Variants in NELL2 observed in about 807,000 individuals in gnomAD.
NELL2 encodes the protein protein kinase C-binding protein NELL2.
Under a neutral mutation model 109.6 loss-of-function variants are expected in NELL2, and 41 were observed. The observed-to-expected ratio is 0.37, with a 90% CI of 0.29 to 0.49. The LOEUF is 0.49. Ranked by LOEUF, NELL2 falls within the 20% of genes least tolerant of loss-of-function variation. The pLI, the probability that NELL2 is intolerant of heterozygous loss-of-function variation, is 0.98. For missense variants in NELL2, 900 were observed against 1,008.3 expected (o/e 0.89, Z 1.45); for synonymous variants, 355 against 344.7 (o/e 1.03, Z -0.33).
intron 13 of NELL2, among the ~76,000 whole-genome samples, chr12:44,650,678 A>C (rs898661604): frequency 2.0e-5 from 3 of 152,136 alleles, no homozygotes; most frequent in Non-Finnish European, 4.4e-5. Flanking sequence ...ATTAAGGTTA[A>C]ATAAAGATAT....
At chr12:44,791,836 C>A (rs1942446366) in intron 3 of NELL2, among the ~76,000 whole-genome samples, 1 of 151,792 alleles carries the variant, frequency 6.6e-6, no homozygotes, top group Non-Finnish European at 1.5e-5. Flanking sequence ...GAAAGGACAG[C>A]TAGATTTATA....
At position 44,816,075 on chromosome 12, in the gene NELL2, TC is replaced by T; in HGVS notation, c.245del (p.Arg82LysfsTer10). On this transcript the variant is annotated frameshift_variant, in exon 3 of 20. Coordinates refer to ENST00000429094, the MANE Select transcript of NELL2 (RefSeq NM_001145108.2). LOFTEE classifies it high-confidence loss of function. ...CCAAAATAGTAAATTCATGTTTATT[TC>T]TCAGCTTCTGAAAAAACTGTTCAGC... Reference protein sequence around the residue: ...ATAEQFFQKLRNKHEFTILVT... With the variant: ...ATAEQFFQKLXNKHEFTILVT... The T allele has an allele frequency of 1.9e-6, 3 of 1,613,766 alleles. No homozygotes were observed. The highest frequency in any genetic ancestry group is 2.5e-6 in the Non-Finnish European group (3 of 1,179,896).
chr12:44,517,977 C>A (rs143907931), intron 19 of NELL2, among the ~76,000 whole-genome samples: 1 of 152,200 alleles, frequency 6.6e-6, no homozygotes, highest in African/African-American at 2.4e-5. Context: ...TTTGCATAAA[C>A]TTTATTTTCA....
At position 44,712,403 on chromosome 12, in the gene NELL2, T is replaced by C. The variant is rs11182616; in HGVS notation, c.1087-1009A>G. 1.1e-3 allele frequency among the ~76,000 whole-genome samples: 172 copies of C among 152,186 alleles called. 3 individuals carry two copies. The East Asian group carries it at 0.026, about 23-fold the overall frequency. ...AGTGGAGTCAAACGCTAGTCTTCTT[T>C]TGGTTTAGTAGTAATATCAGTTCTG... On this transcript the variant is annotated intron_variant, in intron 10 of 19. Coordinates refer to ENST00000429094, the MANE Select transcript of NELL2 (RefSeq NM_001145108.2).
chr12:44,648,238 A>T (rs1947168048), intron 13 of NELL2, among the ~76,000 whole-genome samples: 1 of 152,180 alleles, frequency 6.6e-6, no homozygotes. Context: ...ATATGTTTCG[A>T]ATTTAACTGC....
intron 1 of NELL2, among the ~76,000 whole-genome samples, chr12:44,886,648 T>G (rs1403404619): frequency 6.6e-6 from 1 of 152,010 alleles, no homozygotes; most frequent in Non-Finnish European, 1.5e-5. Context: ...ATTTGCATTT[T>G]CTTTATGTTA....
At chr12:44,721,340 G>C (rs572386949) in intron 9 of NELL2, among the ~76,000 whole-genome samples, 21 of 152,144 alleles carry the variant, frequency 1.4e-4, no homozygotes, top group African/African-American at 4.8e-4. Context: ...AAAATAAATT[G>C]AATGACTGGA....
chr12:44,818,707 G>A (rs1037438750), intron 2 of NELL2, among the ~76,000 whole-genome samples: 3 of 150,050 alleles, frequency 2.0e-5, no homozygotes, highest in African/African-American at 7.3e-5. Flanking sequence ...GAGCTGAGAG[G>A]CTATATTTTG....
At chr12:44,810,514 GC>G (rs1228127136) in intron 3 of NELL2, among the ~76,000 whole-genome samples, 1 of 152,042 alleles carries the variant, frequency 6.6e-6, no homozygotes, top group Non-Finnish European at 1.5e-5. Flanking sequence ...TAAAAAGTAT[GC>G]AAAAATAAAG....
intron 15 of NELL2, among the ~76,000 whole-genome samples, chr12:44,599,961 T>G (rs971678071): frequency 1.2e-4 from 7 of 56,098 alleles, no homozygotes; most frequent in Non-Finnish European, 2.4e-4. Flanking sequence ...TAGAATTCCG[T>G]TTTTTTTTTT....
At chr12:44,747,484 A>G (rs1284232648) in intron 9 of NELL2, among the ~76,000 whole-genome samples, 1 of 152,054 alleles carries the variant, frequency 6.6e-6, no homozygotes, top group Non-Finnish European at 1.5e-5. Flanking sequence ...AATACAGTAT[A>G]TAATACATAT....
chr12:44,741,276 T>A (rs983544761), intron 9 of NELL2, among the ~76,000 whole-genome samples: 2 of 152,262 alleles, frequency 1.3e-5, no homozygotes, highest in African/African-American at 2.4e-5. Context: ...AAAACTTTTC[T>A]TTAGCTAACT....
chr12:44,771,153 C>T (rs1052447748), intron 9 of NELL2, among the ~76,000 whole-genome samples: 1 of 152,010 alleles, frequency 6.6e-6, no homozygotes, highest in African/African-American at 2.4e-5. Flanking sequence ...CTAAATGTCC[C>T]TGTTTGCTAG....
At chr12:44,802,407 G>A (rs1942861731) in intron 3 of NELL2, among the ~76,000 whole-genome samples, 1 of 152,046 alleles carries the variant, frequency 6.6e-6, no homozygotes, top group Non-Finnish European at 1.5e-5. Context: ...CAGGATGAAT[G>A]TAAATGCCTT....
At chr12:44,615,999 A>T (rs1238345349) in intron 13 of NELL2, among the ~76,000 whole-genome samples, 1 of 152,204 alleles carries the variant, frequency 6.6e-6, no homozygotes, top group Admixed American at 6.5e-5. Flanking sequence ...CTTGAAGCGC[A>T]ACATTAAATC....
At chr12:44,884,134 A>C (rs1945445126) in intron 1 of NELL2, among the ~76,000 whole-genome samples, 1 of 151,786 alleles carries the variant, frequency 6.6e-6, no homozygotes, top group South Asian at 2.1e-4. Context: ...ATATATAAAA[A>C]TATATATACT....
chr12:44,779,580 C>T (rs1941876984), intron 5 of NELL2, 83 bp downstream of exon 5: 1 of 1,078,698 alleles, frequency 9.3e-7, no homozygotes, highest in Non-Finnish European at 1.4e-6. Context: ...TATTTTGTTT[C>T]ACACCATAAA....
At chr12:44,598,474 A>T (rs17570956) in intron 15 of NELL2, among the ~76,000 whole-genome samples, 1 of 152,064 alleles carries the variant, frequency 6.6e-6, no homozygotes, top group Non-Finnish European at 1.5e-5. Context: ...ACATTCTCTC[A>T]TCATAAGTTT....
chr12:44,649,721 C>T (rs183780927), intron 13 of NELL2, among the ~76,000 whole-genome samples: 1 of 152,298 alleles, frequency 6.6e-6, no homozygotes, highest in African/African-American at 2.4e-5. Context: ...TAAGACAGCC[C>T]GTTTTTCTTA....
Sources: allele counts gnomAD v4.1 joint callset (sites outside exome capture counted in the v4.1 genomes callset), GRCh38; gene constraint gnomAD v4.1.1; transcripts MANE v1.5; gene names NCBI Gene and HGNC (gene_info 2026-07-23, HGNC 2026-07-21).